Variants in NIPA1 observed in about 807,000 individuals in gnomAD.
NIPA1 encodes the protein magnesium transporter NIPA1.
NIPA1 carries 13 observed loss-of-function variants against 23.9 expected under a neutral mutation model. That is an observed-to-expected ratio of 0.54 (90% CI 0.35 to 0.87). NIPA1 has a LOEUF of 0.87. Ranked by LOEUF, NIPA1 falls within the 40% of genes least tolerant of loss-of-function variation. The pLI is 0.01. For synonymous variants in NIPA1, 234 were observed against 202.9 expected (o/e 1.15, Z -1.30); for missense variants, 362 against 429.7 (o/e 0.84, Z 1.39).
chr15:22,814,798 A>G (rs77395870), intron 3 of NIPA1, among the ~76,000 whole-genome samples: 2,742 of 152,296 alleles, frequency 0.018, 93 homozygotes, highest in African/African-American at 0.062. Flanking sequence ...AGCAATGTCC[A>G]TCTCCCCTTA....
intron 1 of NIPA1, among the ~76,000 whole-genome samples, chr15:22,803,451 G>A (rs1895130572): frequency 6.6e-6 from 1 of 150,962 alleles, no homozygotes; most frequent in South Asian, 2.1e-4. Context: ...GTCAGATACA[G>A]GGATTGGAAA....
At chr15:22,813,634 C>G (rs1158164184) in intron 3 of NIPA1, 9 of 455,928 alleles carry the variant, frequency 2.0e-5, no homozygotes, top group Non-Finnish European at 4.0e-5. Flanking sequence ...GTATTCCAGA[C>G]AGATGCCCAA....
chr15:22,801,229 T>G (rs1226126077), intron 1 of NIPA1, among the ~76,000 whole-genome samples: 1 of 152,138 alleles, frequency 6.6e-6, no homozygotes, highest in Non-Finnish European at 1.5e-5. Flanking sequence ...CGTTCTACTT[T>G]TACAGGGCAT....
chr15:22,809,888 A>G (rs752377854), intron 1 of NIPA1, among the ~76,000 whole-genome samples: 16 of 152,092 alleles, frequency 1.1e-4, no homozygotes, highest in Non-Finnish European at 1.5e-4. Context: ...AAAAAAAAAT[A>G]CAAAATTAGC....
At chr15:22,807,192 C>T (rs566595526) in intron 1 of NIPA1, among the ~76,000 whole-genome samples, 1 of 152,270 alleles carries the variant, frequency 6.6e-6, no homozygotes, top group African/African-American at 2.4e-5. Context: ...CCTGGTATTC[C>T]AGGTTCCTCC....
At chr15:22,822,686 G>A (rs1216539133) in intron 4 of NIPA1, among the ~76,000 whole-genome samples, 1 of 151,994 alleles carries the variant, frequency 6.6e-6, no homozygotes, top group Non-Finnish European at 1.5e-5. Context: ...ATAGCCAGGC[G>A]TGGTGGCGGG....
intron 1 of NIPA1, among the ~76,000 whole-genome samples, chr15:22,804,357 G>T: frequency 6.6e-6 from 1 of 152,030 alleles, no homozygotes; most frequent in East Asian, 1.9e-4. Flanking sequence ...TCCTGACCTC[G>T]TGATCCACCC....
At chr15:22,812,073 T>G in intron 2 of NIPA1, 90 bp from the exon 3 acceptor site, 1 of 995,128 alleles carries the variant, frequency 1.0e-6, no homozygotes, top group Non-Finnish European at 1.6e-6. Context: ...AGTAGCCCTT[T>G]CAGGGCAGAG....
intron 3 of NIPA1, among the ~76,000 whole-genome samples, chr15:22,818,408 C>T (rs1339335158): frequency 6.6e-6 from 1 of 152,020 alleles, no homozygotes; most frequent in Non-Finnish European, 1.5e-5. Flanking sequence ...TGCACTCCAG[C>T]CTGGGCACCA....
intron 1 of NIPA1, among the ~76,000 whole-genome samples, chr15:22,792,386 T>C (rs1369098613): frequency 9.9e-5 from 15 of 151,228 alleles, no homozygotes; most frequent in Non-Finnish European, 2.1e-4. Flanking sequence ...TGAGACGGAG[T>C]CTCGCTCTGT....
chr15:22,811,565 G>A (rs918273014), intron 2 of NIPA1, among the ~76,000 whole-genome samples: 4 of 152,098 alleles, frequency 2.6e-5, no homozygotes, highest in African/African-American at 9.7e-5. Context: ...GATCACGCCA[G>A]TGCACTCCAG....
intron 1 of NIPA1, among the ~76,000 whole-genome samples, chr15:22,796,283 G>A (rs1595631951): frequency 6.6e-6 from 1 of 152,020 alleles, no homozygotes; most frequent in South Asian, 2.1e-4. Context: ...GTACTCTGAT[G>A]CTGGGCAAAC....
chr15:22,820,292 A>T, intron 3 of NIPA1, 21 bp from the exon 4 acceptor site: 1 of 1,568,064 alleles, frequency 6.4e-7, no homozygotes, highest in Non-Finnish European at 8.8e-7. Flanking sequence ...AACTTTAATG[A>T]TTTCTCTTTT....
At chr15:22,811,797 C>T (rs780806054) in intron 2 of NIPA1, among the ~76,000 whole-genome samples, 5 of 152,178 alleles carry the variant, frequency 3.3e-5, no homozygotes, top group Admixed American at 1.3e-4. Flanking sequence ...TGGCCAGCTG[C>T]CTATGCCAGA....
chr15:22,820,989 T>G (rs1895526845), intron 4 of NIPA1, among the ~76,000 whole-genome samples: 2 of 151,134 alleles, frequency 1.3e-5, no homozygotes, highest in African/African-American at 4.8e-5. Flanking sequence ...TCTTTTTTTT[T>G]TTTTTGGAGA....
rs527684055 is a variant in NIPA1, at chr15:22,800,745, G to A, written c.179-10004G>A. Among the ~76,000 whole-genome samples, 9 of 151,966 alleles carry A rather than the reference G, an allele frequency of 5.9e-5. No individual in the cohort carries two copies. In the East Asian group the frequency reaches 1.4e-3, roughly 23 times the overall value. ...AGATTGAGACCATCCTGGCTAACAC[G>A]GTAAAACCCCATCTCTACTAAAAAT... On this transcript the variant is annotated intron_variant, in intron 1 of 4. Coordinates refer to ENST00000337435, the MANE Select transcript of NIPA1 (RefSeq NM_144599.5).
In NIPA1 at chr15:22,792,730, G is replaced by A. The variant is rs574913340; in HGVS notation, c.178+5896G>A. ...GCACTTTAGGAGGCCGAGGCAGGTG[G>A]ATCGCCTGAGGTCAGGTGTTTGAGA... On this transcript the variant is annotated intron_variant, in intron 1 of 4. Coordinates refer to ENST00000337435, the MANE Select transcript of NIPA1 (RefSeq NM_144599.5). 1.9e-4 allele frequency among the ~76,000 whole-genome samples: 29 copies of A among 152,132 alleles called. No homozygotes were observed. In the East Asian group the frequency reaches 5.5e-3, roughly 29 times the overall value.
At chr15:22,793,247 G>C (rs1487164511) in intron 1 of NIPA1, among the ~76,000 whole-genome samples, 3 of 149,840 alleles carry the variant, frequency 2.0e-5, no homozygotes, top group Non-Finnish European at 4.4e-5. Context: ...CACTTGGGAG[G>C]CTGAGGCATG....
chr15:22,801,700 A>G (rs965728454), intron 1 of NIPA1, among the ~76,000 whole-genome samples: 1 of 151,866 alleles, frequency 6.6e-6, no homozygotes, highest in African/African-American at 2.4e-5. Context: ...TATTTTTAGT[A>G]GAGACGGGGT....
Sources: allele counts gnomAD v4.1 joint callset (sites outside exome capture counted in the v4.1 genomes callset), GRCh38; gene constraint gnomAD v4.1.1; transcripts MANE v1.5; gene names NCBI Gene and HGNC (gene_info 2026-07-23, HGNC 2026-07-21).